FAM193A: variants seen among roughly 807,000 people sequenced by gnomAD.
FAM193A encodes the protein family with sequence similarity 193 member A, also known as protein FAM193A.
Under a neutral mutation model 126.5 loss-of-function variants are expected in FAM193A, and 22 were observed. The observed-to-expected ratio is 0.17, with a 90% CI of 0.12 to 0.25. The LOEUF (loss-of-function observed/expected upper bound fraction) is 0.25, where lower values mean the gene tolerates loss of function less well. FAM193A is among the 10% of genes least tolerant of loss of function. The pLI is 1.00. For synonymous variants in FAM193A, 761 were observed against 646.8 expected (o/e 1.18, Z -2.68); for missense variants, 1,675 against 1,672.8 (o/e 1.00, Z -0.02).
At chr4:2,558,101 C>A (rs763039674) in intron 1 of FAM193A, among the ~76,000 whole-genome samples, 2 of 151,886 alleles carry the variant, frequency 1.3e-5, no homozygotes, top group African/African-American at 4.8e-5. Context: ...GGTGAAACCC[C>A]GTCTCTACTA....
chr4:2,574,855 T>C (rs1027553652), intron 1 of FAM193A, among the ~76,000 whole-genome samples: 1 of 152,206 alleles, frequency 6.6e-6, no homozygotes, highest in Admixed American at 6.5e-5. Context: ...AATTCTGGCC[T>C]TTTGGCGTAT....
At chr4:2,645,570 A>T (rs1560515759) in intron 6 of FAM193A, among the ~76,000 whole-genome samples, 1 of 151,162 alleles carries the variant, frequency 6.6e-6, no homozygotes, top group Non-Finnish European at 1.5e-5. Flanking sequence ...CCTGTCTCCC[A>T]GGCTGGAGTG....
At chr4:2,582,332 G>A (rs1235386394) in intron 1 of FAM193A, among the ~76,000 whole-genome samples, 1 of 151,948 alleles carries the variant, frequency 6.6e-6, no homozygotes, top group Non-Finnish European at 1.5e-5. Context: ...GTAGAGATGA[G>A]GTCTTGCTAT....
At chr4:2,603,837 T>C (rs1444905058) in intron 2 of FAM193A, among the ~76,000 whole-genome samples, 3 of 151,732 alleles carry the variant, frequency 2.0e-5, no homozygotes, top group Non-Finnish European at 4.4e-5. Flanking sequence ...CACATATCTC[T>C]TGAATTATTA....
At chr4:2,648,065 A>G (rs1560519146) in intron 7 of FAM193A, among the ~76,000 whole-genome samples, 1 of 151,954 alleles carries the variant, frequency 6.6e-6, no homozygotes, top group Non-Finnish European at 1.5e-5. Flanking sequence ...TACTGCAGCC[A>G]CAGGGACTAG....
chr4:2,623,814 A>G (rs931682177), intron 2 of FAM193A, among the ~76,000 whole-genome samples: 8 of 152,162 alleles, frequency 5.3e-5, no homozygotes, highest in African/African-American at 1.7e-4. Flanking sequence ...GAATAGTGCA[A>G]TACTCAAGAC....
At chr4:2,600,570 A>G (rs1473732984) in intron 2 of FAM193A, among the ~76,000 whole-genome samples, 1 of 151,606 alleles carries the variant, frequency 6.6e-6, no homozygotes, top group African/African-American at 2.4e-5. Flanking sequence ...TACCCTCTTT[A>G]CCCACCCCTT....
intron 20 of FAM193A, among the ~76,000 whole-genome samples, chr4:2,728,895 A>ATTTTTTTTTTTTTTTTTTTTTTT (rs1491485597): frequency 9.5e-6 from 1 of 105,710 alleles, no homozygotes; most frequent in Admixed American, 1.0e-4. Flanking sequence ...CACCTCCAAA[A>ATTTTTTTTTTTTTTTTTTTTTTT]CTTTTTTTTT....
chr4:2,610,181 G>A (rs748545752), intron 2 of FAM193A, among the ~76,000 whole-genome samples: 13 of 152,010 alleles, frequency 8.6e-5, no homozygotes, highest in Non-Finnish European at 1.6e-4. Context: ...GCAGTGAGCC[G>A]AGATCACGCC....
chr4:2,538,485 G>C (rs894635746), intron 1 of FAM193A, among the ~76,000 whole-genome samples: 3 of 152,220 alleles, frequency 2.0e-5, no homozygotes, highest in Non-Finnish European at 4.4e-5. Flanking sequence ...GAGCCACCGC[G>C]CCCGGCCGTT....
chr4:2,706,279 ATTTC>A (rs952027095), intron 19 of FAM193A, among the ~76,000 whole-genome samples: 1 of 138,108 alleles, frequency 7.2e-6, no homozygotes, highest in South Asian at 2.4e-4. Context: ...CCTACAATAA[ATTTC>A]TTTCTTTCTT....
intron 2 of FAM193A, among the ~76,000 whole-genome samples, chr4:2,616,697 C>G (rs1742208059): frequency 6.6e-6 from 1 of 151,754 alleles, no homozygotes; most frequent in African/African-American, 2.4e-5. Context: ...GTAGCTGGGA[C>G]CACAGGCACC....
chr4:2,538,672 C>CCTTT (rs1408101241), intron 1 of FAM193A, among the ~76,000 whole-genome samples: 2 of 16,316 alleles, frequency 1.2e-4, no homozygotes, highest in East Asian at 3.0e-3. Flanking sequence ...TTGCTGCTGT[C>CCTTT]GGGTAGGGGA....
At chr4:2,657,746 A>G (rs946027479) in intron 7 of FAM193A, 57 bp from the exon 8 acceptor site, 1 of 1,103,206 alleles carries the variant, frequency 9.1e-7, no homozygotes. Context: ...GTCTTGTATA[A>G]TTGTCGCAGG....
At chr4:2,663,962 G>A (rs1342661323) in intron 12 of FAM193A, among the ~76,000 whole-genome samples, 3 of 152,092 alleles carry the variant, frequency 2.0e-5, no homozygotes, top group Non-Finnish European at 2.9e-5. Flanking sequence ...GCAAGACTCT[G>A]TTTAAAAAAT....
At chr4:2,710,027 A>T (rs1718733705) in intron 19 of FAM193A, among the ~76,000 whole-genome samples, 1 of 151,860 alleles carries the variant, frequency 6.6e-6, no homozygotes, top group South Asian at 2.1e-4. Context: ...CTTTGCAATG[A>T]TTATTTTCGC....
At chr4:2,709,376 T>C (rs549882517) in intron 19 of FAM193A, among the ~76,000 whole-genome samples, 15 of 152,298 alleles carry the variant, frequency 9.8e-5, no homozygotes, top group Admixed American at 5.9e-4. Flanking sequence ...CTGTATTAGC[T>C]TTGAGTATCA....
chr4:2,574,337 G>A lies in FAM193A; in HGVS notation c.256-21747G>A, dbSNP rs556697912. Among the ~76,000 whole-genome samples the A allele has an allele frequency of 5.9e-5, 9 of 152,280 alleles. No homozygotes were observed. The South Asian group carries it at 1.9e-3, about 32-fold the overall frequency. The stretch of plus-strand genomic sequence containing the variant: ...GTCTCACACCAAGGCTGCTGCATTT[G>A]CTCACCTTGTGTTGTCTTTGCAGTA... On this transcript the variant is annotated intron_variant, in intron 1 of 20. Transcript: ENST00000637812.
chr4:2,721,077 G>A (rs893644990), intron 20 of FAM193A, among the ~76,000 whole-genome samples: 8 of 152,092 alleles, frequency 5.3e-5, no homozygotes, highest in Non-Finnish European at 8.8e-5. Context: ...ACTTTGGGAG[G>A]CCGAGGCAGG....
Sources: gnomAD v4.1 joint callset for allele counts (sites outside exome capture counted in the v4.1 genomes callset) on GRCh38, gnomAD v4.1.1 for gene constraint, MANE v1.5 for transcripts, NCBI Gene and HGNC (gene_info 2026-07-23, HGNC 2026-07-21) for gene names.